COL4A5: variants seen among roughly 807,000 people sequenced by gnomAD.
COL4A5 encodes collagen type IV alpha 5 chain, also known as collagen alpha-5(IV) chain.
In COL4A5, 26 loss-of-function variants were observed where a neutral mutation model predicts 130.2. The ratio of observed to expected loss-of-function variants is 0.20; its 90% confidence interval spans 0.15 to 0.28. The LOEUF is 0.28. COL4A5 is among the 10% of genes least tolerant of loss of function. COL4A5 has a pLI of 1.00. For missense variants in COL4A5, 1,131 were observed against 1,344.3 expected (o/e 0.84, Z 2.48); for synonymous variants, 496 against 439.6 (o/e 1.13, Z -1.60).
intron 1 of COL4A5, among the ~76,000 whole-genome samples, chrX:108,452,463 C>A (rs1444779694): frequency 8.9e-6 from 1 of 111,952 alleles, no homozygotes. Flanking sequence ...ATGAGCATGA[C>A]ATGTTCTTCC....
At chrX:108,602,298 T>C (rs1373201756) in intron 27 of COL4A5, among the ~76,000 whole-genome samples, 1 of 112,371 alleles carries the variant, frequency 8.9e-6, no homozygotes, top group East Asian at 2.8e-4. Context: ...TAACACATAG[T>C]GTGCACTTGA....
intron 1 of COL4A5, among the ~76,000 whole-genome samples, chrX:108,462,086 TA>T (rs1457437971): frequency 9.0e-6 from 1 of 111,678 alleles, no homozygotes; most frequent in Non-Finnish European, 1.9e-5. Context: ...CCACTGTCCT[TA>T]AAAATGCAAC....
chrX:108,626,098 C>A, intron 35 of COL4A5, 112 bp from the exon 36 acceptor site: 1 of 723,459 alleles, frequency 1.4e-6, no homozygotes, highest in Non-Finnish European at 2.1e-6. Context: ...TATTATCTAA[C>A]TCAGAGTTTG....
At chrX:108,513,803 TTA>T (rs1430818994) in intron 1 of COL4A5, among the ~76,000 whole-genome samples, 2 of 111,995 alleles carry the variant, frequency 1.8e-5, no homozygotes, top group Admixed American at 9.5e-5. Flanking sequence ...GTTTTGTTTT[TTA>T]TATGTTTGTT....
At chrX:108,495,030 A>G (rs1046766639) in intron 1 of COL4A5, among the ~76,000 whole-genome samples, 31 of 112,061 alleles carry the variant, frequency 2.8e-4, no homozygotes, top group African/African-American at 9.7e-4. Context: ...ATAGATCAAT[A>G]TGATAGAAGG....
chrX:108,446,656 G>T (rs2064455248), intron 1 of COL4A5, among the ~76,000 whole-genome samples: 1 of 111,906 alleles, frequency 8.9e-6, no homozygotes, highest in Non-Finnish European at 1.9e-5. Context: ...ACTTGCCAAA[G>T]GTCGTGCAGT....
At chrX:108,541,347 T>C (rs947147034) in intron 2 of COL4A5, among the ~76,000 whole-genome samples, 4 of 111,988 alleles carry the variant, frequency 3.6e-5, no homozygotes, top group African/African-American at 1.3e-4. Flanking sequence ...GAGATAAGAA[T>C]GGAATACTCT....
At chrX:108,674,371 A>C in intron 42 of COL4A5, 1 of 139,439 alleles carries the variant, frequency 7.2e-6, no homozygotes, top group Non-Finnish European at 1.4e-5. Flanking sequence ...TACTAAAGGA[A>C]TTTGAAGGCT....
chrX:108,444,221 T>G (rs187490544), intron 1 of COL4A5, among the ~76,000 whole-genome samples: 1 of 102,787 alleles, frequency 9.7e-6, no homozygotes, highest in East Asian at 3.1e-4. Flanking sequence ...TCTTTTTTTT[T>G]TCTTTTTTTT....
rs777025536 is a variant in COL4A5, at chrX:108,582,333, G to A, written c.937-551G>A. Among the ~76,000 whole-genome samples the A allele has an allele frequency of 5.4e-5, 6 of 111,465 alleles. No homozygotes were observed. The South Asian group carries it at 1.5e-3, about 28-fold the overall frequency. ...AGTGTTTTCAACAAATTGGGGTTGC[G>A]GGGTGGGGAGGCTGTTCTCTTGTTC... On this transcript the variant is annotated intron_variant, in intron 16 of 52. Coordinates refer to ENST00000328300, the MANE Select transcript of COL4A5 (RefSeq NM_033380.3).
chrX:108,679,548 C>A (rs2068380698), intron 44 of COL4A5, among the ~76,000 whole-genome samples: 1 of 111,883 alleles, frequency 8.9e-6, no homozygotes. Context: ...TGATGTTTTT[C>A]TGATATGTAC....
chrX:108,485,685 C>G (rs1429043480), intron 1 of COL4A5, among the ~76,000 whole-genome samples: 1 of 110,086 alleles, frequency 9.1e-6, no homozygotes, highest in Middle Eastern at 4.2e-3. Flanking sequence ...ACCCCAGACA[C>G]AGGCAAAACT....
At chrX:108,582,714 T>TTC in intron 16 of COL4A5, 170 bp from the exon 17 acceptor site, 1 of 293,188 alleles carries the variant, frequency 3.4e-6, no homozygotes, top group Non-Finnish European at 5.7e-6. Context: ...TTTTTTTTTT[T>TTC]CTGAGAAAAC....
intron 1 of COL4A5, among the ~76,000 whole-genome samples, chrX:108,475,096 A>G (rs947240023): frequency 2.7e-5 from 3 of 111,172 alleles, no homozygotes; most frequent in Admixed American, 9.6e-5. Context: ...TTGTGGTTTT[A>G]TATTAATTTT....
intron 1 of COL4A5, among the ~76,000 whole-genome samples, chrX:108,507,247 C>CAAAAAAAAAAAAA (rs1195605237): frequency 3.9e-5 from 2 of 50,867 alleles, no homozygotes; most frequent in Non-Finnish European, 8.3e-5. Context: ...ACAACAACAA[C>CAAAAAAAAAAAAA]AAAAAAAAAA....
intron 31 of COL4A5, among the ~76,000 whole-genome samples, chrX:108,621,159 T>G (rs774303227): frequency 2.0e-5 from 2 of 98,968 alleles, no homozygotes; most frequent in South Asian, 1.0e-3. Flanking sequence ...CCTTCCTTCT[T>G]TTTTTTTTTT....
At chrX:108,458,912 G>A (rs1171735564) in intron 1 of COL4A5, among the ~76,000 whole-genome samples, 1 of 110,051 alleles carries the variant, frequency 9.1e-6, no homozygotes, top group African/African-American at 3.3e-5. Flanking sequence ...CCCGGGAGGC[G>A]GAGCTTGCAG....
At chrX:108,551,175 A>G (rs1317008894) in intron 2 of COL4A5, among the ~76,000 whole-genome samples, 1 of 112,073 alleles carries the variant, frequency 8.9e-6, no homozygotes, top group Non-Finnish European at 1.9e-5. Context: ...GCTTCTGTAT[A>G]GCAAAAGAAA....
intron 37 of COL4A5, among the ~76,000 whole-genome samples, chrX:108,662,558 A>G (rs2067983398): frequency 9.0e-6 from 1 of 111,417 alleles, no homozygotes; most frequent in South Asian, 3.8e-4. Context: ...AAGCATTCCT[A>G]TACACCAATA....
Sources: allele counts gnomAD v4.1 joint callset (sites outside exome capture counted in the v4.1 genomes callset), GRCh38; gene constraint gnomAD v4.1.1; transcripts MANE v1.5; gene names NCBI Gene and HGNC (gene_info 2026-07-23, HGNC 2026-07-21).